Variants in DOCK3 observed in about 807,000 individuals in gnomAD.
DOCK3 encodes the protein dedicator of cytokinesis protein 3.
In DOCK3, 60 loss-of-function variants were observed where a neutral mutation model predicts 265.6. That is an observed-to-expected ratio of 0.23 (90% CI 0.18 to 0.28). DOCK3 has a LOEUF of 0.28. DOCK3 is among the 10% of genes least tolerant of loss of function. DOCK3 has a pLI of 1.00. For synonymous variants in DOCK3, 881 were observed against 938.0 expected (o/e 0.94, Z 1.11); for missense variants, 1,981 against 2,594.3 (o/e 0.76, Z 5.14).
chr3:51,214,383 G>C (rs1248773883), intron 14 of DOCK3, 136 bp downstream of exon 14: 1 of 1,273,190 alleles, frequency 7.9e-7, no homozygotes, highest in African/African-American at 1.5e-5. Flanking sequence ...AAGTCAGGCT[G>C]CTTACTGCAG....
intron 3 of DOCK3, among the ~76,000 whole-genome samples, chr3:50,878,067 G>T (rs2047806991): frequency 6.6e-6 from 1 of 152,194 alleles, no homozygotes; most frequent in Admixed American, 6.5e-5. Context: ...GGTCCTGACT[G>T]TTAGAAGGAA....
rs1042000587 is a variant in DOCK3 at position 51,312,415 on chromosome 3, A to T, written c.3094-61A>T. The T allele has an allele frequency of 7.1e-6, 10 of 1,404,766 alleles. No homozygotes were observed. In the African/African-American group the frequency reaches 1.3e-4, roughly 18 times the overall value. 87.0% of individuals were successfully genotyped at this position (1,404,766 alleles called of 1,614,324 possible). A position where few individuals can be genotyped will look rare whatever the true frequency, so the allele number is the denominator to read the frequency against. ...TCTATGCTACATGCATGTATTTAGT[A>T]ACGCTCCCTACAAGATTAAGTTCTT... On this transcript the variant is annotated intron_variant, in intron 29 of 52. Coordinates refer to ENST00000266037, the MANE Select transcript of DOCK3 (RefSeq NM_004947.5).
chr3:51,164,831 G>A (rs1179239666), intron 12 of DOCK3, among the ~76,000 whole-genome samples: 1 of 152,034 alleles, frequency 6.6e-6, no homozygotes, highest in East Asian at 1.9e-4. Context: ...CTCATATTTG[G>A]GATAGACACT....
At chr3:51,017,936 A>G (rs1412145593) in intron 5 of DOCK3, among the ~76,000 whole-genome samples, 1 of 151,704 alleles carries the variant, frequency 6.6e-6, no homozygotes, top group African/African-American at 2.4e-5. Flanking sequence ...TCTGTTGCCC[A>G]GGCTGGAGTG....
intron 22 of DOCK3, among the ~76,000 whole-genome samples, chr3:51,253,678 G>A (rs901316415): frequency 2.0e-5 from 3 of 152,090 alleles, no homozygotes; most frequent in African/African-American, 7.2e-5. Flanking sequence ...TTCTCTGATG[G>A]TAGTCTGTAG....
At chr3:50,868,602 G>A (rs1254570695) in intron 3 of DOCK3, among the ~76,000 whole-genome samples, 1 of 152,070 alleles carries the variant, frequency 6.6e-6, no homozygotes, top group African/African-American at 2.4e-5. Context: ...TGAAACTCCT[G>A]GGCTCAAGTG....
intron 1 of DOCK3, among the ~76,000 whole-genome samples, chr3:50,734,045 G>A (rs1389266958): frequency 6.6e-6 from 1 of 152,158 alleles, no homozygotes; most frequent in East Asian, 1.9e-4. Flanking sequence ...TTGCTGAGTA[G>A]ATTTTAAGTG....
At chr3:51,293,351 A>G (rs1234704965) in intron 27 of DOCK3, among the ~76,000 whole-genome samples, 1 of 152,218 alleles carries the variant, frequency 6.6e-6, no homozygotes, top group Non-Finnish European at 1.5e-5. Context: ...ATTTTTGACA[A>G]AGATGCCAAG....
At chr3:51,373,463 A>C (rs1398245833) in intron 49 of DOCK3, among the ~76,000 whole-genome samples, 1 of 152,228 alleles carries the variant, frequency 6.6e-6, no homozygotes, top group Non-Finnish European at 1.5e-5. Flanking sequence ...ATATGCTGGT[A>C]TCTGGTACAA....
intron 5 of DOCK3, among the ~76,000 whole-genome samples, chr3:50,972,818 G>A (rs1477984640): frequency 6.6e-6 from 1 of 151,258 alleles, no homozygotes; most frequent in Non-Finnish European, 1.5e-5. Flanking sequence ...CTATAGCTTT[G>A]TAGTGTATTT....
chr3:50,878,221 C>G (rs866694206), intron 3 of DOCK3, among the ~76,000 whole-genome samples: 2 of 152,268 alleles, frequency 1.3e-5, no homozygotes, highest in African/African-American at 4.8e-5. Context: ...CGTCTCTTCT[C>G]CTCCAGAGGA....
chr3:51,084,347 C>A (rs952927592), intron 7 of DOCK3, among the ~76,000 whole-genome samples: 1 of 152,090 alleles, frequency 6.6e-6, no homozygotes, highest in African/African-American at 2.4e-5. Flanking sequence ...AGCATCATGT[C>A]ACATATAAGG....
At chr3:50,732,063 G>T (rs902708822) in intron 1 of DOCK3, among the ~76,000 whole-genome samples, 2 of 151,840 alleles carry the variant, frequency 1.3e-5, no homozygotes, top group South Asian at 2.1e-4. Context: ...AATGTCCAGG[G>T]TTCAAGTCCC....
At chr3:50,923,583 G>A (rs541298293) in intron 4 of DOCK3, among the ~76,000 whole-genome samples, 2 of 152,168 alleles carry the variant, frequency 1.3e-5, no homozygotes, top group East Asian at 1.9e-4. Context: ...TTAAAAATAG[G>A]TGGGGAAACA....
chr3:50,725,006 AT>A (rs1240154291), intron 1 of DOCK3, among the ~76,000 whole-genome samples: 44 of 143,592 alleles, frequency 3.1e-4, no homozygotes, highest in African/African-American at 6.0e-4. Context: ...AAAAAAAAAA[AT>A]AATAATGACT....
chr3:50,822,932 G>C (rs2044530741), intron 2 of DOCK3, among the ~76,000 whole-genome samples: 1 of 152,100 alleles, frequency 6.6e-6, no homozygotes, highest in Non-Finnish European at 1.5e-5. Flanking sequence ...AAGAAAAAAG[G>C]CTTCTTGTAG....
intron 2 of DOCK3, among the ~76,000 whole-genome samples, chr3:50,795,286 G>A (rs1033763891): frequency 6.6e-6 from 1 of 152,192 alleles, no homozygotes; most frequent in Non-Finnish European, 1.5e-5. Context: ...TGTCGAGGTT[G>A]GAGGAAGCTC....
intron 2 of DOCK3, 56 bp downstream of exon 2, chr3:50,778,814 A>G (rs1652563273): frequency 8.0e-7 from 1 of 1,243,386 alleles, no homozygotes; most frequent in African/African-American, 1.5e-5. Context: ...AGTATTATAT[A>G]CATTTATTTT....
At chr3:50,695,756 C>T (rs1385699579) in intron 1 of DOCK3, among the ~76,000 whole-genome samples, 1 of 152,090 alleles carries the variant, frequency 6.6e-6, no homozygotes, top group East Asian at 1.9e-4. Flanking sequence ...TCCTGGGGGT[C>T]GCTAGAAGCT....
Sources: gnomAD v4.1 joint callset for allele counts (sites outside exome capture counted in the v4.1 genomes callset) on GRCh38, gnomAD v4.1.1 for gene constraint, MANE v1.5 for transcripts, NCBI Gene and HGNC (gene_info 2026-07-23, HGNC 2026-07-21) for gene names.